The following MYO9B variants were observed in gnomAD, a reference collection of about 807,000 sequenced individuals.
MYO9B encodes myosin IXB, also known as unconventional myosin-IXb.
A neutral mutation model predicts 229.5 loss-of-function variants in MYO9B; 71 were observed. The observed-to-expected ratio is 0.31, with a 90% CI of 0.26 to 0.38. The LOEUF is 0.38. Ranked by LOEUF, MYO9B falls within the 10% of genes least tolerant of loss-of-function variation. The pLI, the probability that MYO9B is intolerant of heterozygous loss-of-function variation, is 1.00. For missense variants in MYO9B, 2,255 were observed against 2,920.5 expected (o/e 0.77, Z 5.25); for synonymous variants, 1,185 against 1,235.8 (o/e 0.96, Z 0.86).
chr19:17,136,455 T>TG, intron 2 of MYO9B, among the ~76,000 whole-genome samples: 1 of 152,078 alleles, frequency 6.6e-6, no homozygotes, highest in East Asian at 1.9e-4. Context: ...GCAGCACATA[T>TG]GGGAACCTAT....
Position 17,156,953 on chromosome 19 carries a change from C to T in MYO9B, c.1244C>T (p.Thr415Ile), listed in dbSNP as rs1230454767. The T allele has an allele frequency of 1.2e-6, 2 of 1,613,900 alleles. No homozygotes were observed. The highest frequency in any genetic ancestry group is 4.5e-5 in the East Asian group (2 of 44,880). ...GCCATCCTGTACCTGGGCAACGTCA[C>T]TTATAAGAAGAGAGCTACAGGCCGA... is the stretch of plus-strand genomic sequence containing the variant. ...LSAILYLGNVTYKKRATGREE... is the reference protein window; with the variant it reads ...LSAILYLGNVIYKKRATGREE... Residue 415 changes from threonine to isoleucine, a missense_variant, in exon 7 of 40, where the codon ACT (threonine) becomes ATT (isoleucine). Around this residue, in one of 7 missense-constraint regions of MYO9B, gnomAD observed 220 missense variants for 404.5 expected, o/e 0.54. Coordinates refer to ENST00000682292, the MANE Select transcript of MYO9B (RefSeq NM_004145.4).
At chr19:17,197,337 G>C (rs532907384) in intron 22 of MYO9B, among the ~76,000 whole-genome samples, 1 of 151,866 alleles carries the variant, frequency 6.6e-6, no homozygotes, top group South Asian at 2.1e-4. Context: ...GGCAGATAAA[G>C]AGGATGGATG....
chr19:17,132,326 C>T (rs908124746), intron 2 of MYO9B, among the ~76,000 whole-genome samples: 4 of 149,116 alleles, frequency 2.7e-5, no homozygotes, highest in African/African-American at 4.9e-5. Flanking sequence ...GGAGGGACTA[C>T]AGGCTTGTGC....
Position 17,202,196 on chromosome 19 carries a change from G to A in MYO9B, c.4729G>A (p.Ala1577Thr), listed in dbSNP as rs367630090. The change falls in exon 28 of 40, where the codon GCC becomes ACC. Residue 1577 changes from alanine (A) to threonine (T), a missense_variant. Physicochemically the swap from Ala to Thr is moderately conservative, Grantham distance 58 (BLOSUM62 0). Coordinates refer to ENST00000682292, the MANE Select transcript of MYO9B (RefSeq NM_004145.4). ...CTACCAGATCGTCGTCAGCAACCTG[G>A]CCACTGAGCGTGGCCAGAAGGACAC... Reference protein sequence around the residue: ...ENYQIVVSNLATERGQKDTNL... With the variant: ...ENYQIVVSNLTTERGQKDTNL... 4.8e-5 allele frequency: 77 copies of A among 1,613,232 alleles called. 1 individual carries two copies. Among genetic ancestry groups the A allele is most frequent in the Admixed American group, 1.3e-4 (8 of 59,854 alleles).
At chr19:17,174,956 T>A (rs1333039602) in intron 13 of MYO9B, among the ~76,000 whole-genome samples, 5 of 148,460 alleles carry the variant, frequency 3.4e-5, no homozygotes, top group South Asian at 4.2e-4. Context: ...AAATAAATAA[T>A]AAATTAATTA....
chr19:17,083,800 G>T (rs140845705), intron 1 of MYO9B, among the ~76,000 whole-genome samples: 1 of 151,896 alleles, frequency 6.6e-6, no homozygotes, highest in African/African-American at 2.4e-5. Context: ...ACAGGCACCC[G>T]CTACCACGCC....
At chr19:17,180,667 A>G in intron 14 of MYO9B, 1 of 366,738 alleles carries the variant, frequency 2.7e-6, no homozygotes, top group Non-Finnish European at 4.9e-6. Context: ...ATGTATTGAA[A>G]AGGATCAATG....
chr19:17,181,313 C>T lies in MYO9B; in HGVS notation c.2333+273C>T, dbSNP rs572621373. Among the ~76,000 whole-genome samples, 60 of 152,366 alleles carry T rather than the reference C, an allele frequency of 3.9e-4. No individual in the cohort carries two copies. In the South Asian group the frequency reaches 0.012, roughly 29 times the overall value. On this transcript the variant is annotated intron_variant, in intron 15 of 39. Coordinates refer to ENST00000682292, the MANE Select transcript of MYO9B (RefSeq NM_004145.4). ...AGGCATCTAATTTTCCACCCGCAAA[C>T]GTGCCATCCTCCGTCTCCTCCCCGT...
chr19:17,081,276 C>T (rs1279088018), intron 1 of MYO9B, among the ~76,000 whole-genome samples: 1 of 152,168 alleles, frequency 6.6e-6, no homozygotes, highest in Admixed American at 6.5e-5. Context: ...GATCAGCCCG[C>T]TCGGACTCCC....
At chr19:17,123,593 A>G (rs2057986688) in intron 2 of MYO9B, among the ~76,000 whole-genome samples, 1 of 152,124 alleles carries the variant, frequency 6.6e-6, no homozygotes, top group African/African-American at 2.4e-5. Flanking sequence ...GGCGCACGCC[A>G]TCACACCTGG....
rs534015101 is a variant in MYO9B at position 17,203,633 on chromosome 19, C to T, written c.4990+375C>T. On this transcript the variant is annotated intron_variant, in intron 30 of 39. Coordinates refer to ENST00000682292, the MANE Select transcript of MYO9B (RefSeq NM_004145.4). ...GTCTCAAAAAAAAAAAAAAAAAGGT[C>T]TTCACCCCAGCCCAGCCACCAGGTC... Among the ~76,000 whole-genome samples the T allele has an allele frequency of 2.7e-5, 4 of 147,800 alleles. No homozygotes were observed. The East Asian group carries it at 8.1e-4, about 30-fold the overall frequency.
intron 34 of MYO9B, 78 bp from the exon 35 acceptor site, chr19:17,207,035 C>A (rs1048451197): frequency 1.5e-5 from 23 of 1,551,966 alleles, no homozygotes; most frequent in Non-Finnish European, 1.9e-5. Flanking sequence ...CCCCAGGGCT[C>A]AGAAGTTCAG....
At position 17,193,293 on chromosome 19, in the gene MYO9B, C is replaced by T. The variant is rs1381125431; in HGVS notation, c.3128+231C>T. On this transcript the variant is annotated intron_variant, in intron 21 of 39. Coordinates refer to ENST00000682292, the MANE Select transcript of MYO9B (RefSeq NM_004145.4). This position sits in a 1 kb window ranked among gnomAD's most constrained non-coding sequence, Gnocchi z 4.3. The stretch of plus-strand genomic sequence containing the variant: ...CAAAGCCCTGCTTTGCCATTGGCTG[C>T]ACCCATTCTCTGCCCAGGGACTCCC... Among the ~76,000 whole-genome samples, 1 of 152,216 alleles carries T rather than the reference C, an allele frequency of 6.6e-6. No homozygotes were observed. Among genetic ancestry groups the T allele is most frequent in the East Asian group, 1.9e-4 (1 of 5,200 alleles).
At chr19:17,081,839 G>A (rs2057536522) in intron 1 of MYO9B, among the ~76,000 whole-genome samples, 1 of 151,330 alleles carries the variant, frequency 6.6e-6, no homozygotes, top group Non-Finnish European at 1.5e-5. Context: ...AAGAGGCGAG[G>A]ACCCAGCCCA....
chr19:17,102,673 G>A (rs1386421636), intron 2 of MYO9B, 116 bp downstream of exon 2: 2 of 1,380,086 alleles, frequency 1.4e-6, no homozygotes, highest in Non-Finnish European at 1.9e-6. Flanking sequence ...GGCTGAGGGA[G>A]GAGGATTGCT....
chr19:17,075,907 G>C (rs1331857226), intron 1 of MYO9B, 33 bp downstream of exon 1: 1 of 151,910 alleles, frequency 6.6e-6, no homozygotes, highest in East Asian at 1.9e-4. Context: ...TTGGCGACTC[G>C]AGCTCGAAGC....
intron 19 of MYO9B, among the ~76,000 whole-genome samples, chr19:17,189,092 T>C (rs1168085280): frequency 6.8e-6 from 1 of 146,986 alleles, no homozygotes; most frequent in African/African-American, 2.5e-5. Context: ...ACCCGGGAGA[T>C]GGAGGTTGCA....
At position 17,197,782 on chromosome 19, in the gene MYO9B, G is replaced by A. The variant is rs765601211; in HGVS notation, c.4047-10G>A. ...TAGTCAGTAAAAGCCATGTTTCTGTGATCTCGCAGGGAGAGGCGCACCTCC... is the reference window on the plus strand; with the variant it reads ...TAGTCAGTAAAAGCCATGTTTCTGTAATCTCGCAGGGAGAGGCGCACCTCC... On this transcript the variant is annotated splice_polypyrimidine_tract_variant and intron_variant, in intron 22 of 39. Transcript: ENST00000682292. 1 of 1,613,792 alleles carries A rather than the reference G, an allele frequency of 6.2e-7. No homozygotes were observed. The highest frequency in any genetic ancestry group is 1.1e-5 in the South Asian group (1 of 91,080).
intron 2 of MYO9B, among the ~76,000 whole-genome samples, chr19:17,124,272 C>T (rs749978705): frequency 4.6e-5 from 7 of 152,054 alleles, no homozygotes; most frequent in African/African-American, 7.2e-5. Context: ...GTAGGAGGAT[C>T]ACTTGAGCCC....
Sources: gnomAD v4.1 joint callset for allele counts (sites outside exome capture counted in the v4.1 genomes callset) on GRCh38, gnomAD v4.1.1 for gene constraint, gnomAD v4.1.1 regional missense constraint, Gnocchi (gnomAD v3.1) non-coding constraint, MANE v1.5 for transcripts, NCBI Gene and HGNC (gene_info 2026-07-23, HGNC 2026-07-21) for gene names.